SNTG1: variants seen among roughly 807,000 people sequenced by gnomAD.
The protein encoded by SNTG1 is syntrophin gamma 1.
In SNTG1, 39 loss-of-function variants were observed where a neutral mutation model predicts 74.7. The ratio of observed to expected loss-of-function variants is 0.52; its 90% CI spans 0.40 to 0.68. The LOEUF (loss-of-function observed/expected upper bound fraction) is 0.68. SNTG1 is among the 30% of genes least tolerant of loss of function. The pLI is 0.00. For synonymous variants in SNTG1, 254 were observed against 217.1 expected (o/e 1.17, Z -1.49); for missense variants, 685 against 609.5 (o/e 1.12, Z -1.30).
At chr8:50,075,026 C>T (rs1434936260) in intron 1 of SNTG1, among the ~76,000 whole-genome samples, 1 of 152,210 alleles carries the variant, frequency 6.6e-6, no homozygotes, top group Non-Finnish European at 1.5e-5. Flanking sequence ...GCAGAGGGTA[C>T]ACTGGGTCCC....
Position 50,147,965 on chromosome 8 carries a change from T to C in SNTG1, c.-102-24596T>C, listed in dbSNP as rs555089828. On this transcript the variant is annotated intron_variant, in intron 1 of 18. Transcript: ENST00000642720. Reference sequence around the variant, plus strand: ...AGGATAAGCATAATGCATATTATAATGCTAGAAAGTAGAATACTGGCAAAA... The same window carrying C: ...AGGATAAGCATAATGCATATTATAACGCTAGAAAGTAGAATACTGGCAAAA... 4.7e-4 allele frequency among the ~76,000 whole-genome samples: 71 copies of C among 152,278 alleles called. 1 individual carries two copies. The Middle Eastern group carries it at 0.027, about 58-fold the overall frequency.
At chr8:50,503,291 T>G (rs2093979710) in intron 9 of SNTG1, among the ~76,000 whole-genome samples, 1 of 152,218 alleles carries the variant, frequency 6.6e-6, no homozygotes, top group African/African-American at 2.4e-5. Flanking sequence ...TTTGAGGGAA[T>G]GTACTAATTT....
At chr8:50,654,774 G>T (rs1348728981) in intron 13 of SNTG1, among the ~76,000 whole-genome samples, 1 of 152,132 alleles carries the variant, frequency 6.6e-6, no homozygotes, top group East Asian at 1.9e-4. Flanking sequence ...TTAAAGCTTG[G>T]CATTTTCTGG....
chr8:50,600,878 A>G (rs1327782515), intron 13 of SNTG1, among the ~76,000 whole-genome samples: 1 of 151,142 alleles, frequency 6.6e-6, no homozygotes, highest in Non-Finnish European at 1.5e-5. Context: ...TCTTTAAGGC[A>G]TATTAGGCTA....
rs147068872 is a variant in SNTG1, at chr8:50,596,898, T to C, written c.849+5981T>C. On this transcript the variant is annotated intron_variant, in intron 13 of 18. Transcript: ENST00000642720. ...ATTGCCAAATCCATCACTTTAAACA[T>C]TTATCATTTATTTTGGTAGTAACAT... 1.0e-3 allele frequency among the ~76,000 whole-genome samples: 156 copies of C among 152,116 alleles called. 1 individual carries two copies. The highest frequency in any genetic ancestry group is 3.6e-3 in the African/African-American group (150 of 41,556).
intron 4 of SNTG1, among the ~76,000 whole-genome samples, chr8:50,418,956 T>A (rs1415308088): frequency 6.6e-6 from 1 of 152,186 alleles, no homozygotes; most frequent in Non-Finnish European, 1.5e-5. Flanking sequence ...GGGATAGAAC[T>A]GTTTTTCTCT....
Position 50,322,075 on chromosome 8 carries a change from C to CT in SNTG1, c.-27-72129dup, listed in dbSNP as rs535584029. Among the ~76,000 whole-genome samples the CT allele has an allele frequency of 1.4e-4, 21 of 151,172 alleles. No individual in the cohort carries two copies. In the East Asian group the frequency reaches 1.6e-3, roughly 11 times the overall value. On this transcript the variant is annotated intron_variant, in intron 2 of 18. Coordinates refer to ENST00000642720, the MANE Select transcript of SNTG1 (RefSeq NM_018967.5). ...ATGATTTTTTATTGCTTATTAACATCTTTTTTTTCAGATTGGAGAATTGCC... is the reference window on the plus strand; with the variant it reads ...ATGATTTTTTATTGCTTATTAACATCTTTTTTTTTCAGATTGGAGAATTGCC...
intron 2 of SNTG1, among the ~76,000 whole-genome samples, chr8:50,389,114 G>A (rs926998081): frequency 2.6e-5 from 4 of 152,170 alleles, no homozygotes; most frequent in African/African-American, 7.2e-5. Flanking sequence ...GGAAGCATGT[G>A]AGGCCTGTAG....
At chr8:50,322,563 T>A (rs1038387104) in intron 2 of SNTG1, among the ~76,000 whole-genome samples, 6 of 152,198 alleles carry the variant, frequency 3.9e-5, no homozygotes, top group Non-Finnish European at 5.9e-5. Context: ...TATTTGAATA[T>A]TGATATATTT....
intron 1 of SNTG1, among the ~76,000 whole-genome samples, chr8:50,045,590 TG>T (rs1819015036): frequency 6.6e-6 from 1 of 152,158 alleles, no homozygotes; most frequent in Admixed American, 6.5e-5. Flanking sequence ...TTACTTCTTT[TG>T]GGGAGGGGGT....
At position 50,185,835 on chromosome 8, in the gene SNTG1, T is replaced by A. The variant is rs569618072; in HGVS notation, c.-28+13200T>A. On this transcript the variant is annotated intron_variant, in intron 2 of 18. Transcript: ENST00000642720. ...CTATTGTTTTTTATTTTATTTATTT[T>A]TTTTTAATTTTACTTTAACTTCCAA... 1.9e-4 allele frequency among the ~76,000 whole-genome samples: 29 copies of A among 151,894 alleles called. 1 individual carries two copies. Among genetic ancestry groups the A allele is most frequent in the Middle Eastern group, 3.5e-3 (1 of 286 alleles).
intron 13 of SNTG1, among the ~76,000 whole-genome samples, chr8:50,629,174 C>A (rs2094978378): frequency 6.6e-6 from 1 of 152,132 alleles, no homozygotes; most frequent in African/African-American, 2.4e-5. Context: ...CTTAACAATA[C>A]CGTGTTGCTC....
At chr8:49,935,202 A>AGT (rs140067006) in intron 1 of SNTG1, among the ~76,000 whole-genome samples, 45,308 of 133,500 alleles carry the variant, frequency 0.34, 6,678 homozygotes, top group East Asian at 0.59. Context: ...GCCAAGCAGA[A>AGT]GTGTGTGTGT....
chr8:50,041,345 T>G (rs993185634), intron 1 of SNTG1, among the ~76,000 whole-genome samples: 7 of 152,206 alleles, frequency 4.6e-5, no homozygotes, highest in Non-Finnish European at 1.0e-4. Context: ...TCCCAGTTGA[T>G]GAGTTTTTGA....
chr8:50,075,576 G>A (rs1821788247), intron 1 of SNTG1, among the ~76,000 whole-genome samples: 1 of 152,152 alleles, frequency 6.6e-6, no homozygotes, highest in East Asian at 1.9e-4. Flanking sequence ...GCCAGATAAG[G>A]GAATAAAAGC....
intron 13 of SNTG1, among the ~76,000 whole-genome samples, chr8:50,650,188 T>C (rs1243600548): frequency 6.6e-6 from 1 of 152,086 alleles, no homozygotes; most frequent in African/African-American, 2.4e-5. Flanking sequence ...TATTTATAAT[T>C]TAAAGATTCT....
chr8:50,020,793 C>A (rs139287062), intron 1 of SNTG1, among the ~76,000 whole-genome samples: 66 of 152,194 alleles, frequency 4.3e-4, no homozygotes, highest in African/African-American at 1.4e-3. Flanking sequence ...ATCCAATGCA[C>A]CTTGGATTTT....
intron 9 of SNTG1, among the ~76,000 whole-genome samples, chr8:50,511,245 C>T (rs183802318): frequency 4.1e-4 from 63 of 152,292 alleles, no homozygotes; most frequent in Admixed American, 1.0e-3. Flanking sequence ...TTTCTTAATC[C>T]TGAGTTCTAG....
At chr8:50,226,250 T>C (rs2085322993) in intron 2 of SNTG1, among the ~76,000 whole-genome samples, 2 of 152,202 alleles carry the variant, frequency 1.3e-5, no homozygotes, top group Non-Finnish European at 2.9e-5. Flanking sequence ...TCTCATCAGA[T>C]GGGTTTTATT....
Sources: allele counts gnomAD v4.1 joint callset (sites outside exome capture counted in the v4.1 genomes callset), GRCh38; gene constraint gnomAD v4.1.1; transcripts MANE v1.5; gene names NCBI Gene and HGNC (gene_info 2026-07-23, HGNC 2026-07-21).